Variants in MED12L observed in about 807,000 individuals in gnomAD.
The protein encoded by MED12L is mediator complex subunit 12L.
In MED12L, 60 loss-of-function variants were observed where a neutral mutation model predicts 281.3. The ratio of observed to expected loss-of-function variants is 0.21; its 90% confidence interval spans 0.17 to 0.26. The LOEUF (loss-of-function observed/expected upper bound fraction) is 0.26, where lower values mean the gene tolerates loss of function less well. Among genes scored for constraint, MED12L ranks in the 10% least tolerant of loss-of-function variants. The pLI, the probability that MED12L is intolerant of heterozygous loss-of-function variation, is 1.00. For synonymous variants in MED12L, 974 were observed against 987.2 expected (o/e 0.99, Z 0.25); for missense variants, 2,146 against 2,680.9 (o/e 0.80, Z 4.41).
chr3:151,191,985 T>TA (rs1210253140), intron 14 of MED12L, among the ~76,000 whole-genome samples: 13 of 152,328 alleles, frequency 8.5e-5, no homozygotes, highest in African/African-American at 2.9e-4. Context: ...TAGCTATACT[T>TA]ACAATTAAAA....
intron 11 of MED12L, 140 bp from the exon 12 acceptor site, chr3:151,185,190 T>C: frequency 1.4e-6 from 1 of 704,004 alleles, no homozygotes; most frequent in Admixed American, 3.2e-5. Context: ...AAAAATGTTT[T>C]GGAAGCGCTT....
chr3:151,249,711 A>G (rs934407931), intron 16 of MED12L, among the ~76,000 whole-genome samples: 2 of 152,088 alleles, frequency 1.3e-5, no homozygotes, highest in Non-Finnish European at 2.9e-5. Context: ...TCCTTGACTT[A>G]AATCTGGTTT....
intron 11 of MED12L, among the ~76,000 whole-genome samples, chr3:151,173,931 CA>C (rs1465422169): frequency 1.3e-5 from 2 of 152,130 alleles, no homozygotes; most frequent in Admixed American, 1.3e-4. Context: ...AAAAGGCAAG[CA>C]GTAAAGTTTT....
intron 16 of MED12L, among the ~76,000 whole-genome samples, chr3:151,265,840 T>C (rs1448091427): frequency 6.6e-6 from 1 of 152,150 alleles, no homozygotes; most frequent in South Asian, 2.1e-4. Context: ...AGAACACCTA[T>C]GAAATTGGAA....
chr3:151,251,273 A>G (rs955533753), intron 16 of MED12L, among the ~76,000 whole-genome samples: 16 of 152,006 alleles, frequency 1.1e-4, no homozygotes, highest in Non-Finnish European at 2.1e-4. Flanking sequence ...TTCCTACTCA[A>G]TGTGTCTCTC....
At chr3:151,322,362 T>A (rs954857479) in intron 16 of MED12L, among the ~76,000 whole-genome samples, 6 of 152,100 alleles carry the variant, frequency 3.9e-5, no homozygotes, top group South Asian at 4.2e-4. Flanking sequence ...ATTTTTTTTT[T>A]ATTTTTTTAT....
intron 43 of MED12L, among the ~76,000 whole-genome samples, chr3:151,427,177 T>C (rs983095495): frequency 5.3e-5 from 8 of 152,162 alleles, no homozygotes; most frequent in Admixed American, 1.3e-4. Context: ...ATTTGATTTG[T>C]TGTAATAGCA....
chr3:151,334,611 T>G (rs1750755372), intron 16 of MED12L, among the ~76,000 whole-genome samples: 1 of 152,120 alleles, frequency 6.6e-6, no homozygotes, highest in South Asian at 2.1e-4. Context: ...GCGGTTCTCC[T>G]GCCTCAGCCT....
chr3:151,356,162 G>A (rs1019288647), intron 19 of MED12L, 123 bp downstream of exon 19: 2 of 951,166 alleles, frequency 2.1e-6, no homozygotes, highest in Non-Finnish European at 3.0e-6. Context: ...CACTTTGGGA[G>A]GCCGAGGTAG....
At chr3:151,302,353 C>T (rs953791742) in intron 16 of MED12L, among the ~76,000 whole-genome samples, 8 of 152,236 alleles carry the variant, frequency 5.3e-5, no homozygotes, top group Admixed American at 2.6e-4. Flanking sequence ...TTAAAGATCA[C>T]GGAATGTGAA....
intron 2 of MED12L, among the ~76,000 whole-genome samples, chr3:151,097,922 TAGAG>T (rs1720929375): frequency 6.6e-6 from 1 of 152,164 alleles, no homozygotes; most frequent in African/African-American, 2.4e-5. Context: ...GTGCTGTGGA[TAGAG>T]AAAGAGATTT....
intron 2 of MED12L, among the ~76,000 whole-genome samples, chr3:151,114,534 T>G (rs984784946): frequency 5.3e-5 from 8 of 152,222 alleles, no homozygotes; most frequent in African/African-American, 1.9e-4. Context: ...GTTTTTCATT[T>G]TATGCATTCA....
intron 16 of MED12L, among the ~76,000 whole-genome samples, chr3:151,302,292 A>G (rs1164548078): frequency 6.6e-6 from 1 of 152,222 alleles, no homozygotes; most frequent in African/African-American, 2.4e-5. Flanking sequence ...ATGGTAAGGC[A>G]ATTCTTGAAT....
At chr3:151,249,395 G>C (rs540601445) in intron 16 of MED12L, among the ~76,000 whole-genome samples, 1 of 152,184 alleles carries the variant, frequency 6.6e-6, no homozygotes, top group Non-Finnish European at 1.5e-5. Flanking sequence ...ATATTTGAGA[G>C]TAAAACATCT....
intron 26 of MED12L, among the ~76,000 whole-genome samples, chr3:151,371,644 A>G (rs894792155): frequency 2.0e-5 from 3 of 152,138 alleles, no homozygotes; most frequent in African/African-American, 7.2e-5. Context: ...TGTTTTGCCC[A>G]CTTGCTGCAA....
chr3:151,188,235 A>G, intron 12 of MED12L, 119 bp from the exon 13 acceptor site: 1 of 702,866 alleles, frequency 1.4e-6, no homozygotes, highest in Non-Finnish European at 2.3e-6. Flanking sequence ...GTACAGACAT[A>G]TCAATTAATT....
At chr3:151,138,980 T>TACCTACCTAC (rs1560085310) in intron 5 of MED12L, among the ~76,000 whole-genome samples, 1 of 142,894 alleles carries the variant, frequency 7.0e-6, no homozygotes, top group East Asian at 2.1e-4. Context: ...TTGTCTCTTA[T>TACCTACCTAC]CTACCTACCT....
At chr3:151,144,022 A>G (rs952639652) in intron 5 of MED12L, among the ~76,000 whole-genome samples, 5 of 152,176 alleles carry the variant, frequency 3.3e-5, no homozygotes, top group African/African-American at 1.2e-4. Flanking sequence ...GATAATTCCA[A>G]CATTAATTTC....
At chr3:151,252,467 T>C (rs1737042943) in intron 16 of MED12L, among the ~76,000 whole-genome samples, 1 of 152,168 alleles carries the variant, frequency 6.6e-6, no homozygotes, top group African/African-American at 2.4e-5. Context: ...GGTGAGCTGT[T>C]GAGAGCCAGG....
Sources: allele counts gnomAD v4.1 joint callset (sites outside exome capture counted in the v4.1 genomes callset), GRCh38; gene constraint gnomAD v4.1.1; transcripts MANE v1.5; gene names NCBI Gene and HGNC (gene_info 2026-07-23, HGNC 2026-07-21).